CADM1: variants seen among roughly 807,000 people sequenced by gnomAD.
The protein encoded by CADM1 is TSLC-1.
Under a neutral mutation model 53.1 loss-of-function variants are expected in CADM1, and 15 were observed. The observed-to-expected ratio is 0.28, with a 90% CI of 0.19 to 0.44. CADM1 has a LOEUF of 0.44. CADM1 is among the 20% of genes least tolerant of loss of function. The pLI is 1.00. For synonymous variants in CADM1, 281 were observed against 243.0 expected (o/e 1.16, Z -1.45); for missense variants, 434 against 611.3 (o/e 0.71, Z 3.06).
At chr11:115,377,862 G>GA (rs1337179816) in intron 1 of CADM1, 2 of 152,040 alleles carry the variant, frequency 1.3e-5, no homozygotes, top group Non-Finnish European at 2.9e-5. Context: ...TGCTTTAAGA[G>GA]AAAAAAACTT....
intron 1 of CADM1, among the ~76,000 whole-genome samples, chr11:115,309,164 A>G (rs1313212096): frequency 1.3e-5 from 2 of 152,152 alleles, no homozygotes; most frequent in African/African-American, 2.4e-5. Context: ...AGATATGAGA[A>G]CATTTAAATG....
intron 1 of CADM1, among the ~76,000 whole-genome samples, chr11:115,308,194 G>GTATATATATATATATATATA (rs560354243): frequency 1.6e-5 from 2 of 123,966 alleles, no homozygotes; most frequent in African/African-American, 6.0e-5. Flanking sequence ...TCATAGGTGT[G>GTATATATATATATATATATA]TATATATATA....
Position 115,345,061 on chromosome 11 carries a change from C to T in CADM1, c.125-104641G>A, listed in dbSNP as rs538814645. Among the ~76,000 whole-genome samples, 30 of 152,226 alleles carry T rather than the reference C, an allele frequency of 2.0e-4. No individual in the cohort carries two copies. In the South Asian group the frequency reaches 6.0e-3, roughly 31 times the overall value. On this transcript the variant is annotated intron_variant, in intron 1 of 11. Coordinates refer to ENST00000331581, the MANE Select transcript of CADM1 (RefSeq NM_001301043.2). Reference sequence around the variant, plus strand: ...CCCAATAAACTAAACTGACAAAAAGCACCATCTGGGCTGCAACAGGCCTAG... The same window carrying T: ...CCCAATAAACTAAACTGACAAAAAGTACCATCTGGGCTGCAACAGGCCTAG...
intron 1 of CADM1, among the ~76,000 whole-genome samples, chr11:115,368,032 A>G (rs981044681): frequency 2.0e-5 from 3 of 151,784 alleles, no homozygotes; most frequent in African/African-American, 7.3e-5. Context: ...TTAATTTAGA[A>G]AAGCTCCTTG....
At chr11:115,275,927 A>C (rs889830442) in intron 1 of CADM1, among the ~76,000 whole-genome samples, 1 of 152,208 alleles carries the variant, frequency 6.6e-6, no homozygotes, top group Non-Finnish European at 1.5e-5. Context: ...CAGAACATCC[A>C]GGAAACACAA....
chr11:115,400,069 G>T (rs894468658), intron 1 of CADM1, among the ~76,000 whole-genome samples: 1 of 152,148 alleles, frequency 6.6e-6, no homozygotes, highest in Non-Finnish European at 1.5e-5. Context: ...CAAAGAATTG[G>T]TCGATACTAG....
At chr11:115,312,933 A>G (rs1419564347) in intron 1 of CADM1, among the ~76,000 whole-genome samples, 1 of 152,146 alleles carries the variant, frequency 6.6e-6, no homozygotes, top group Non-Finnish European at 1.5e-5. Flanking sequence ...AAACAATGTG[A>G]GCAGAAAATC....
intron 1 of CADM1, among the ~76,000 whole-genome samples, chr11:115,501,767 T>C (rs567292014): frequency 6.6e-6 from 1 of 152,208 alleles, no homozygotes; most frequent in Admixed American, 6.5e-5. Context: ...TCTTTAACCC[T>C]GGGAGTGGGA....
chr11:115,462,748 G>A (rs1948823126), intron 1 of CADM1, among the ~76,000 whole-genome samples: 1 of 152,200 alleles, frequency 6.6e-6, no homozygotes, highest in Admixed American at 6.5e-5. Flanking sequence ...GGCAGAGGCT[G>A]GGAGCCTATT....
chr11:115,289,710 C>G (rs1943835144), intron 1 of CADM1, among the ~76,000 whole-genome samples: 1 of 151,008 alleles, frequency 6.6e-6, no homozygotes, highest in Non-Finnish European at 1.5e-5. Context: ...ATTCTCCTGC[C>G]TCAGCTTCCC....
chr11:115,302,177 G>A (rs1233240708), intron 1 of CADM1, among the ~76,000 whole-genome samples: 2 of 151,896 alleles, frequency 1.3e-5, no homozygotes, highest in East Asian at 1.9e-4. Context: ...AGGAGGGAGC[G>A]TATCAGGAAA....
chr11:115,477,677 C>G (rs185267881), intron 1 of CADM1, among the ~76,000 whole-genome samples: 7 of 152,166 alleles, frequency 4.6e-5, no homozygotes, highest in African/African-American at 1.2e-4. Context: ...TGGCAATAAA[C>G]GGCCAGACCA....
At position 115,175,810 on chromosome 11, in the gene CADM1, C is replaced by T; in HGVS notation, c.*664G>A. 17 of 992,206 alleles carry T rather than the reference C, an allele frequency of 1.7e-5. No individual in the cohort carries two copies. The highest frequency in any genetic ancestry group is 2.0e-5 in the Non-Finnish European group (17 of 833,866). 61.5% of individuals were successfully genotyped at this position (992,206 alleles called of 1,614,324 possible). A position where few individuals can be genotyped will look rare whatever the true frequency, so the allele number is the denominator to read the frequency against. ...ATTTTCTGAATCACAGTCTAATTTT[C>T]TAGTCTTCACTGCTCTAAGTATTTG... On this transcript the variant is annotated 3_prime_UTR_variant, in exon 12 of 12. Coordinates refer to ENST00000331581, the MANE Select transcript of CADM1 (RefSeq NM_001301043.2).
rs1948177794 is a variant in CADM1, at chr11:115,436,106, A to C, written c.124+68165T>G. Among the ~76,000 whole-genome samples the C allele has an allele frequency of 2.0e-5, 3 of 152,176 alleles. No individual in the cohort carries two copies. In the South Asian group the frequency reaches 6.2e-4, roughly 32 times the overall value. On this transcript the variant is annotated intron_variant, in intron 1 of 11. Transcript: ENST00000331581. ...ACAAAGATAACTACTGTTCTATTGC[A>C]TCTTACTCACTGACCCACTTCACCC...
At chr11:115,359,075 T>C (rs1453535009) in intron 1 of CADM1, among the ~76,000 whole-genome samples, 1 of 152,190 alleles carries the variant, frequency 6.6e-6, no homozygotes, top group African/African-American at 2.4e-5. Context: ...CATTACCATC[T>C]TGTTAATATA....
intron 1 of CADM1, among the ~76,000 whole-genome samples, chr11:115,258,187 C>T (rs1942855338): frequency 2.0e-5 from 3 of 152,056 alleles, no homozygotes; most frequent in Non-Finnish European, 4.4e-5. Flanking sequence ...TCCATGTAAA[C>T]GACCCCCTGA....
At chr11:115,404,297 G>C (rs1191740961) in intron 1 of CADM1, among the ~76,000 whole-genome samples, 7 of 124,026 alleles carry the variant, frequency 5.6e-5, no homozygotes, top group African/African-American at 2.2e-4. Flanking sequence ...CTCCACTCCA[G>C]CCTGGGCGAC....
chr11:115,441,994 G>A (rs890896941), intron 1 of CADM1, among the ~76,000 whole-genome samples: 4 of 151,894 alleles, frequency 2.6e-5, no homozygotes, highest in South Asian at 2.1e-4. Flanking sequence ...GATGCATTAC[G>A]ATCTGATCCC....
chr11:115,220,746 T>C (rs1179880106), intron 5 of CADM1, among the ~76,000 whole-genome samples: 1 of 152,174 alleles, frequency 6.6e-6, no homozygotes, highest in African/African-American at 2.4e-5. Context: ...AACTTAAAAA[T>C]AAATTCTGTT....
Sources: allele counts gnomAD v4.1 joint callset (sites outside exome capture counted in the v4.1 genomes callset), GRCh38; gene constraint gnomAD v4.1.1; transcripts MANE v1.5; gene names NCBI Gene and HGNC (gene_info 2026-07-23, HGNC 2026-07-21).